The following UTRN variants were observed in gnomAD, a reference collection of about 807,000 sequenced individuals.
UTRN encodes utrophin.
UTRN carries 283 observed loss-of-function variants against 463.9 expected under a neutral mutation model. The observed-to-expected ratio is 0.61, with a 90% CI of 0.55 to 0.67. The LOEUF (loss-of-function observed/expected upper bound fraction) is 0.67. Among genes scored for constraint, UTRN ranks in the 30% least tolerant of loss-of-function variants. The pLI, the probability that UTRN is intolerant of heterozygous loss-of-function variation, is 0.00. For synonymous variants in UTRN, 1,442 were observed against 1,431.5 expected, an observed-to-expected ratio of 1.01 and a Z score of -0.17; for missense variants, 3,922 against 4,084.3, an observed-to-expected ratio of 0.96 and a Z score of 1.08.
chr6:144,474,765 T>G lies in UTRN; in HGVS notation c.3336+6T>G. On this transcript the variant is annotated splice_donor_region_variant and intron_variant, in intron 25 of 74. Coordinates refer to ENST00000367545, the MANE Select transcript of UTRN (RefSeq NM_007124.3). ...TGGAGAAACTTAGCAAGGAGGTGAG[T>G]TTTTCAACTTTACTACCTACGGTTT... The G allele has an allele frequency of 6.2e-7, 1 of 1,609,010 alleles. No homozygotes were observed.
intron 34 of UTRN, among the ~76,000 whole-genome samples, chr6:144,506,511 C>T (rs561954475): frequency 2.7e-4 from 41 of 152,272 alleles, no homozygotes; most frequent in Admixed American, 1.3e-3. Context: ...ATTTCTCCTT[C>T]GCTTATGAAG....
intron 51 of UTRN, among the ~76,000 whole-genome samples, chr6:144,667,726 A>G (rs947693951): frequency 6.6e-6 from 1 of 152,200 alleles, no homozygotes; most frequent in Non-Finnish European, 1.5e-5. Context: ...TTTTCAGCGG[A>G]ACTTCCCTTT....
chr6:144,495,066 C>G (rs142653444), intron 33 of UTRN, among the ~76,000 whole-genome samples: 1 of 152,264 alleles, frequency 6.6e-6, no homozygotes, highest in African/African-American at 2.4e-5. Flanking sequence ...CCACCAGACC[C>G]AGGAGTCCAG....
intron 65 of UTRN, among the ~76,000 whole-genome samples, chr6:144,805,576 G>A (rs946085453): frequency 6.6e-6 from 1 of 152,200 alleles, no homozygotes; most frequent in Non-Finnish European, 1.5e-5. Flanking sequence ...TCCCCAAGGG[G>A]CGCATGGAAA....
At chr6:144,569,182 T>C (rs992741160) in intron 50 of UTRN, among the ~76,000 whole-genome samples, 5 of 151,986 alleles carry the variant, frequency 3.3e-5, no homozygotes, top group African/African-American at 1.2e-4. Flanking sequence ...CTATTAGAAA[T>C]TTTATATAAA....
Position 144,350,553 on chromosome 6 carries a change from C to T in UTRN, c.80-52570C>T, listed in dbSNP as rs145794374. Among the ~76,000 whole-genome samples the T allele has an allele frequency of 1.0e-3, 155 of 152,334 alleles. 1 individual carries two copies. Among genetic ancestry groups the T allele is most frequent in the Middle Eastern group, 3.4e-3 (1 of 294 alleles). Reference sequence around the variant, plus strand: ...AAATATGCTTTTACTGTTAAATCGTCATCTACAACAGATGACATGTAGAGA... The same window carrying T: ...AAATATGCTTTTACTGTTAAATCGTTATCTACAACAGATGACATGTAGAGA... On this transcript the variant is annotated intron_variant, in intron 2 of 74. Transcript: ENST00000367545.
At chr6:144,403,514 G>A (rs1212962627) in intron 3 of UTRN, among the ~76,000 whole-genome samples, 1 of 152,152 alleles carries the variant, frequency 6.6e-6, no homozygotes, top group Non-Finnish European at 1.5e-5. Flanking sequence ...TTGGTTAAGA[G>A]GATGATGATT....
At chr6:144,388,336 C>T (rs955421458) in intron 2 of UTRN, among the ~76,000 whole-genome samples, 11 of 151,436 alleles carry the variant, frequency 7.3e-5, no homozygotes, top group African/African-American at 2.2e-4. Context: ...TTTTTAGAGA[C>T]AGGGTCTTAC....
intron 61 of UTRN, among the ~76,000 whole-genome samples, chr6:144,787,602 G>A (rs558154834): frequency 2.2e-4 from 33 of 152,048 alleles, no homozygotes; most frequent in Admixed American, 1.2e-3. Flanking sequence ...CATAATATGC[G>A]TACAGAAACT....
chr6:144,705,981 TA>T (rs901993036), intron 53 of UTRN, among the ~76,000 whole-genome samples: 7 of 151,914 alleles, frequency 4.6e-5, no homozygotes, highest in Non-Finnish European at 2.9e-5. Context: ...GAGCAATATT[TA>T]AAGAAGTGTG....
At chr6:144,488,101 G>C (rs1792657930) in intron 29 of UTRN, among the ~76,000 whole-genome samples, 1 of 152,144 alleles carries the variant, frequency 6.6e-6, no homozygotes, top group Admixed American at 6.5e-5. Flanking sequence ...TCACAAATTA[G>C]AGAAAGAACA....
In UTRN at chr6:144,403,352, C is replaced by T. The variant is rs541785898; in HGVS notation, c.141+168C>T. Among the ~76,000 whole-genome samples, 195 of 152,178 alleles carry T rather than the reference C, an allele frequency of 1.3e-3. 2 individuals carry two copies. Among genetic ancestry groups the T allele is most frequent in the Middle Eastern group, 3.4e-3 (1 of 294 alleles). ...TATTCTGTCCTAAAATATGTTTAAA[C>T]GGAAATTCTCATGCACATAGTTTAT... On this transcript the variant is annotated intron_variant, in intron 3 of 74. Transcript: ENST00000367545.
chr6:144,793,966 C>T lies in UTRN; in HGVS notation c.9053C>T (p.Pro3018Leu). The T allele has an allele frequency of 1.2e-6, 2 of 1,614,014 alleles. No individual in the cohort carries two copies. The highest frequency in any genetic ancestry group is 1.3e-5 in the African/African-American group (1 of 75,022). The change falls in exon 63 of 75, where the codon CCT (proline) becomes CTT (leucine). Residue 3018 changes from proline to leucine, a missense_variant. Physicochemically the swap from Pro to Leu is moderately conservative, Grantham distance 98. This residue lies in a region of UTRN where 1,309 missense variants were observed against 1,452.6 expected (regional missense o/e 0.90). Coordinates refer to ENST00000367545, the MANE Select transcript of UTRN (RefSeq NM_007124.3). ...GCTTTTGGAGGCAGTAATATTGAGC[C>T]TAGTGTTCGCAGCTGCTTCCAACAG... ...VAAFGGSNIE[P>L]SVRSCFQQNN...
chr6:144,298,091 G>C, intron 2 of UTRN, among the ~76,000 whole-genome samples: 1 of 151,498 alleles, frequency 6.6e-6, no homozygotes, highest in African/African-American at 2.4e-5. Flanking sequence ...CTGCTGAAGT[G>C]GTTTCAGATG....
In UTRN at chr6:144,485,424, G is replaced by C; in HGVS notation, c.3727G>C (p.Asp1243His). 6.2e-7 allele frequency: 1 copy of C among 1,614,098 alleles called. No homozygotes were observed. Among genetic ancestry groups the C allele is most frequent in the South Asian group, 1.1e-5 (1 of 91,080 alleles). Residue 1243 changes from aspartate to histidine, a missense_variant, in exon 28 of 75, where the codon GAT (aspartate) becomes CAT (histidine). This residue lies in a region of UTRN where 2,349 missense variants were observed against 2,303.8 expected (regional missense o/e 1.02). Transcript: ENST00000367545. ...TTGGATTGAACTGCTTCACTATTTG[G>C]ATCTTGAAACTACCTGGTTAAACAC... ...SCWIELLHYL[D>H]LETTWLNTLE...
intron 2 of UTRN, among the ~76,000 whole-genome samples, chr6:144,371,738 GT>G (rs756564458): frequency 2.6e-5 from 4 of 151,932 alleles, no homozygotes; most frequent in African/African-American, 4.8e-5. Context: ...CACATAGCTG[GT>G]GGCAGAAATA....
intron 2 of UTRN, among the ~76,000 whole-genome samples, chr6:144,388,271 C>T (rs1237357156): frequency 6.6e-6 from 1 of 152,056 alleles, no homozygotes; most frequent in Non-Finnish European, 1.5e-5. Context: ...CCTTCCATGT[C>T]TTTCCATATT....
Position 144,466,016 on chromosome 6 carries a change from C to T in UTRN, c.3066+3150C>T, listed in dbSNP as rs530755969. On this transcript the variant is annotated intron_variant, in intron 23 of 74. Coordinates refer to ENST00000367545, the MANE Select transcript of UTRN (RefSeq NM_007124.3). ...GAACATTTAGAGTTCCTTTTCTTCC[C>T]CAATACCATTTTCTTTCCTGGGGGC... is the stretch of plus-strand genomic sequence containing the variant. Among the ~76,000 whole-genome samples the T allele has an allele frequency of 1.6e-4, 25 of 152,288 alleles. No homozygotes were observed. The South Asian group carries it at 4.1e-3, about 25-fold the overall frequency.
At chr6:144,525,252 T>C (rs569792355) in intron 41 of UTRN, among the ~76,000 whole-genome samples, 4 of 152,288 alleles carry the variant, frequency 2.6e-5, no homozygotes, top group African/African-American at 7.2e-5. Flanking sequence ...ATAGTGTCAG[T>C]AGGATTGGTA....
Sources: allele counts gnomAD v4.1 joint callset (sites outside exome capture counted in the v4.1 genomes callset), GRCh38; gene constraint gnomAD v4.1.1; regional missense constraint gnomAD v4.1.1; transcripts MANE v1.5; gene names NCBI Gene and HGNC (gene_info 2026-07-23, HGNC 2026-07-21).